ANK3: variants seen among roughly 807,000 people sequenced by gnomAD.
The protein encoded by ANK3 is ankyrin 3, also known as ankyrin-3.
A neutral mutation model predicts 370.9 loss-of-function variants in ANK3; 57 were observed. The ratio of observed to expected loss-of-function variants is 0.15; its 90% CI spans 0.12 to 0.19. The LOEUF (loss-of-function observed/expected upper bound fraction) is 0.19, where lower values mean the gene tolerates loss of function less well. Ranked by LOEUF, ANK3 falls within the 10% of genes least tolerant of loss-of-function variation. The probability of loss-of-function intolerance (pLI) is 1.00; values close to 1 mark genes in which losing one functional copy is unlikely to be tolerated. For missense variants in ANK3, 4,439 were observed against 5,302.1 expected, an observed-to-expected ratio of 0.84 and a Z score of 5.06; for synonymous variants, 1,929 against 1,946.3, an observed-to-expected ratio of 0.99 and a Z score of 0.23.
At chr10:60,233,188 C>T (rs897066258) in intron 8 of ANK3, among the ~76,000 whole-genome samples, 1 of 152,144 alleles carries the variant, frequency 6.6e-6, no homozygotes, top group African/African-American at 2.4e-5. Flanking sequence ...GCACAGTTTA[C>T]AAACATTATC....
chr10:60,084,933 C>T, intron 31 of ANK3, 103 bp from the exon 32 acceptor site: 1 of 894,374 alleles, frequency 1.1e-6, no homozygotes, highest in Non-Finnish European at 1.6e-6. Context: ...AGGAACTAAC[C>T]CAAAACGTTA....
intron 1 of ANK3, among the ~76,000 whole-genome samples, chr10:60,340,328 G>A (rs1456010436): frequency 6.6e-6 from 1 of 152,168 alleles, no homozygotes; most frequent in Admixed American, 6.5e-5. Flanking sequence ...TGAACTACTG[G>A]AGTCAGGCAA....
intron 7 of ANK3, among the ~76,000 whole-genome samples, chr10:60,247,574 C>T (rs1398718682): frequency 6.6e-6 from 1 of 152,162 alleles, no homozygotes. Context: ...CCGAATCTGA[C>T]TACTATAGAT....
At chr10:60,730,682 T>C (rs915710385) in intron 1 of ANK3, among the ~76,000 whole-genome samples, 37 of 152,236 alleles carry the variant, frequency 2.4e-4, no homozygotes, top group African/African-American at 8.9e-4. Flanking sequence ...ACCCAGCATC[T>C]GACTGGCATT....
At chr10:60,661,266 C>T (rs1588988369) in intron 1 of ANK3, among the ~76,000 whole-genome samples, 1 of 150,096 alleles carries the variant, frequency 6.7e-6, no homozygotes, top group South Asian at 2.1e-4. Flanking sequence ...GCAAATATTA[C>T]AAAAATAGTA....
intron 2 of ANK3, among the ~76,000 whole-genome samples, chr10:60,507,177 A>G (rs1170137910): frequency 6.6e-6 from 1 of 152,076 alleles, no homozygotes; most frequent in Non-Finnish European, 1.5e-5. Flanking sequence ...CAATTTTTCT[A>G]AAAAGAAAGA....
rs2054257504 is a variant in ANK3 at position 60,341,445 on chromosome 10, GA to G, written c.114+47979del. On this transcript the variant is annotated intron_variant, in intron 1 of 43. Coordinates refer to ENST00000280772, the MANE Select transcript of ANK3 (RefSeq NM_020987.5). ...CTTATGTTTCCCTAGATTCTTCCCA[GA>G]AGCTACCAATTAGGGCTCATAATTA... Among the ~76,000 whole-genome samples, 4 of 152,186 alleles carry G rather than the reference GA, an allele frequency of 2.6e-5. No individual in the cohort carries two copies. In the South Asian group the frequency reaches 8.3e-4, roughly 32 times the overall value.
At chr10:60,431,577 C>T (rs137983901) in intron 2 of ANK3, among the ~76,000 whole-genome samples, 1 of 152,150 alleles carries the variant, frequency 6.6e-6, no homozygotes, top group East Asian at 1.9e-4. Flanking sequence ...AAATTACTCT[C>T]ATAAGTGGGA....
intron 24 of ANK3, 92 bp downstream of exon 24, chr10:60,138,872 T>G: frequency 6.6e-7 from 1 of 1,525,532 alleles, no homozygotes; most frequent in South Asian, 1.2e-5. Flanking sequence ...AAGAACACAT[T>G]TTGGGATAAT....
chr10:60,670,072 G>A (rs77455298), intron 1 of ANK3, among the ~76,000 whole-genome samples: 1,647 of 152,014 alleles, frequency 0.011, 26 homozygotes, highest in African/African-American at 0.038. Context: ...GGATCCTTTC[G>A]TCTCAGCCTC....
chr10:60,439,967 A>G (rs931214265), intron 2 of ANK3, among the ~76,000 whole-genome samples: 2 of 152,224 alleles, frequency 1.3e-5, no homozygotes, highest in African/African-American at 2.4e-5. Context: ...TAATTAATAC[A>G]TTCTGCACTC....
intron 1 of ANK3, among the ~76,000 whole-genome samples, chr10:60,655,442 A>G (rs1433515434): frequency 1.3e-5 from 2 of 151,994 alleles, no homozygotes; most frequent in Admixed American, 6.6e-5. Context: ...GAGACGTTTA[A>G]AGAGGAAAAA....
At chr10:60,534,024 C>T (rs949860726) in intron 2 of ANK3, among the ~76,000 whole-genome samples, 5 of 152,098 alleles carry the variant, frequency 3.3e-5, no homozygotes, top group Admixed American at 3.3e-4. Flanking sequence ...ATTTATGACA[C>T]AACCTTTTCA....
At chr10:60,124,384 C>G (rs1220483527) in intron 25 of ANK3, among the ~76,000 whole-genome samples, 1 of 152,014 alleles carries the variant, frequency 6.6e-6, no homozygotes, top group African/African-American at 2.4e-5. Flanking sequence ...CCATGTTGGC[C>G]AGGCAGGTCT....
At chr10:60,213,563 T>C in intron 8 of ANK3, 53 bp from the exon 9 acceptor site, 1 of 1,216,052 alleles carries the variant, frequency 8.2e-7, no homozygotes, top group Non-Finnish European at 1.2e-6. Flanking sequence ...ATTCTATGAG[T>C]GCAGTGTACT....
intron 23 of ANK3, among the ~76,000 whole-genome samples, chr10:60,144,846 A>C (rs1174677258): frequency 6.6e-6 from 1 of 152,192 alleles, no homozygotes; most frequent in African/African-American, 2.4e-5. Context: ...CAACATCCTC[A>C]CAATCTTTCA....
upstream of ANK3, chr10:60,389,962 CAG>C (rs1421147368): frequency 1.8e-6 from 1 of 565,182 alleles, no homozygotes; most frequent in Non-Finnish European, 2.2e-6. Context: ...AGCAAAAATC[CAG>C]CGCTAATTCT....
intron 26 of ANK3, among the ~76,000 whole-genome samples, chr10:60,112,317 A>C (rs1000033118): frequency 1.6e-5 from 1 of 64,010 alleles, no homozygotes; most frequent in African/African-American, 5.0e-5. Flanking sequence ...TGCTCCCTGA[A>C]TGTATCCCAG....
At chr10:60,561,739 G>T (rs1047703511) in intron 2 of ANK3, among the ~76,000 whole-genome samples, 3 of 152,160 alleles carry the variant, frequency 2.0e-5, no homozygotes, top group African/African-American at 4.8e-5. Context: ...GCACCACAAG[G>T]CCTTTCCCAA....
Sources: gnomAD v4.1 joint callset for allele counts (sites outside exome capture counted in the v4.1 genomes callset) on GRCh38, gnomAD v4.1.1 for gene constraint, MANE v1.5 for transcripts, NCBI Gene and HGNC (gene_info 2026-07-23, HGNC 2026-07-21) for gene names.